Variants in CFAP47 observed in about 807,000 individuals in gnomAD.
CFAP47 encodes the protein cilia- and flagella-associated protein 47.
In CFAP47, 29 loss-of-function variants were observed where a neutral mutation model predicts 148.1. The ratio of observed to expected loss-of-function variants is 0.20; its 90% CI spans 0.15 to 0.27. The LOEUF is 0.27. Ranked by LOEUF, CFAP47 falls within the 10% of genes least tolerant of loss-of-function variation. CFAP47 has a pLI of 1.00. For missense variants in CFAP47, 1,872 were observed against 1,697.5 expected, an observed-to-expected ratio of 1.10 and a Z score of -1.81; for synonymous variants, 664 against 577.3, an observed-to-expected ratio of 1.15 and a Z score of -2.15.
chrX:35,980,484 C>G (rs1210755215), intron 15 of CFAP47, among the ~76,000 whole-genome samples: 1 of 111,704 alleles, frequency 9.0e-6, no homozygotes, highest in Non-Finnish European at 1.9e-5. Context: ...GTTCCGTAAC[C>G]TGACTTTTAC....
At chrX:36,141,273 C>G (rs959842074) in intron 35 of CFAP47, among the ~76,000 whole-genome samples, 2 of 110,508 alleles carry the variant, frequency 1.8e-5, no homozygotes, top group Admixed American at 9.7e-5. Context: ...GGTGCAGCCC[C>G]TAGTCCAAAT....
intron 45 of CFAP47, among the ~76,000 whole-genome samples, chrX:36,213,303 A>G (rs142174195): frequency 5.1e-3 from 565 of 111,007 alleles, no homozygotes; most frequent in African/African-American, 0.018. Context: ...GCTCATTTAT[A>G]ATTGTAGTAT....
intron 62 of CFAP47, among the ~76,000 whole-genome samples, chrX:36,369,715 G>A (rs1556020991): frequency 9.0e-6 from 1 of 111,338 alleles, no homozygotes; most frequent in African/African-American, 3.3e-5. Context: ...TTTGTACATT[G>A]TGATTGGTTT....
At position 36,274,145 on chromosome X, in the gene CFAP47, G is replaced by T. The variant is rs141156999; in HGVS notation, c.7445-6342G>T. 6.7e-3 allele frequency among the ~76,000 whole-genome samples: 748 copies of T among 111,591 alleles called. 5 individuals are homozygous for T. The highest frequency in any genetic ancestry group is 0.018 in the African/African-American group (546 of 30,815). ...AGGGCTTTTAAATTATTTTACAAAT[G>T]AATGCCCAATTTCTATTTGTTAAGG... On this transcript the variant is annotated intron_variant, in intron 49 of 63. Transcript: ENST00000378653.
Position 35,992,194 on chromosome X carries a change from A to G in CFAP47, c.2967+251A>G, listed in dbSNP as rs968152342. On this transcript the variant is annotated intron_variant, in intron 17 of 63. Transcript: ENST00000378653. The stretch of plus-strand genomic sequence containing the variant: ...TTATTTGGTTTTATTGAAAAAATAG[A>G]TGTTTATGTTTTAAAATATACATTA... Among the ~76,000 whole-genome samples, 5 of 110,463 alleles carry G rather than the reference A, an allele frequency of 4.5e-5. No individual in the cohort carries two copies. The Admixed American group carries it at 4.9e-4, about 11-fold the overall frequency.
At chrX:35,993,140 A>G in intron 17 of CFAP47, 50 bp from the exon 18 acceptor site, 4 of 286,511 alleles carry the variant, frequency 1.4e-5, no homozygotes, top group Non-Finnish European at 2.5e-5. Context: ...AAGCTTTGAA[A>G]CTATAATTTT....
chrX:36,311,094 C>T lies in CFAP47; in HGVS notation c.8344+105C>T, dbSNP rs1941390694. 1.7e-5 allele frequency: 8 copies of T among 469,677 alleles called. No individual in the cohort carries two copies. In the South Asian group the frequency reaches 4.6e-4, roughly 27 times the overall value. 38.7% of individuals were successfully genotyped at this position (469,677 alleles called of 1,213,427 possible). A position where few individuals can be genotyped will look rare whatever the true frequency, so the allele number is the denominator to read the frequency against. The stretch of plus-strand genomic sequence containing the variant: ...TAGAACAAATGAATACTTTAGAAAT[C>T]TGTAAAGAAAATTATCTTATAAAAG... On this transcript the variant is annotated intron_variant, in intron 56 of 63. Coordinates refer to ENST00000378653, the MANE Select transcript of CFAP47 (RefSeq NM_001304548.2).
chrX:36,025,919 T>C (rs1300958674), intron 22 of CFAP47, among the ~76,000 whole-genome samples: 1 of 111,976 alleles, frequency 8.9e-6, no homozygotes, highest in Non-Finnish European at 1.9e-5. Context: ...GATAGATCTC[T>C]TTGTTAAATT....
intron 44 of CFAP47, among the ~76,000 whole-genome samples, chrX:36,203,440 C>A (rs1940003938): frequency 9.0e-6 from 1 of 111,533 alleles, no homozygotes; most frequent in African/African-American, 3.3e-5. Flanking sequence ...CCATGACTAG[C>A]CTTTTCATTG....
At chrX:35,927,315 C>A (rs1935758521) in intron 2 of CFAP47, among the ~76,000 whole-genome samples, 4 of 111,570 alleles carry the variant, frequency 3.6e-5, no homozygotes, top group African/African-American at 1.3e-4. Context: ...AAAAAACAAG[C>A]TATTAACCCA....
rs755408499 is a variant in CFAP47 at position 35,971,664 on chromosome X, A to T, written c.2049A>T (p.Glu683Asp). The T allele has an allele frequency of 1.7e-6, 2 of 1,208,161 alleles. No homozygotes were observed. The highest frequency in any genetic ancestry group is 3.5e-5 in the South Asian group (2 of 56,695). ...GSGLKSPSLS[E>D]AEIEEELSSA... ...GTCTAAAGTCACCCTCACTCTCAGAAGCGGAAATAGAAGAGGAGCTGTCTT... is the reference window on the plus strand; with the variant it reads ...GTCTAAAGTCACCCTCACTCTCAGATGCGGAAATAGAAGAGGAGCTGTCTT... The change falls in exon 12 of 64, where the codon GAA becomes GAT. Residue 683 changes from glutamate (E) to aspartate (D), a missense_variant. Transcript: ENST00000378653.
intron 26 of CFAP47, among the ~76,000 whole-genome samples, chrX:36,064,146 A>G (rs1937617074): frequency 1.8e-5 from 2 of 112,619 alleles, no homozygotes; most frequent in Admixed American, 1.9e-4. Context: ...ATCTAAAATT[A>G]TTGGTTAAAT....
At chrX:35,936,277 G>C (rs6632407) in intron 2 of CFAP47, among the ~76,000 whole-genome samples, 20,677 of 110,173 alleles carry the variant, frequency 0.19, 1,592 homozygotes, top group African/African-American at 0.28. Context: ...TTTATCTTCT[G>C]TTATCTCCAT....
intron 19 of CFAP47, among the ~76,000 whole-genome samples, chrX:35,998,607 G>T (rs1391279897): frequency 9.0e-6 from 1 of 111,589 alleles, no homozygotes; most frequent in Non-Finnish European, 1.9e-5. Context: ...CAGGTAGGGG[G>T]CTCACTGCTA....
At chrX:36,186,479 C>G (rs1555985644) in intron 40 of CFAP47, among the ~76,000 whole-genome samples, 1 of 111,852 alleles carries the variant, frequency 8.9e-6, no homozygotes, top group Non-Finnish European at 1.9e-5. Flanking sequence ...ACTTAATGCT[C>G]TCTAGTTTTC....
At position 35,966,635 on chromosome X, in the gene CFAP47, G is replaced by A; in HGVS notation, c.1481G>A (p.Gly494Asp). Reference sequence around the variant, plus strand: ...GTGAAGCAGATGATAGAGATTATTGGTTTAGTGGCAGAAGAAGATTTGCAA... The same window carrying A: ...GTGAAGCAGATGATAGAGATTATTGATTTAGTGGCAGAAGAAGATTTGCAA... ...FKVKQMIEII[G>D]LVAEEDLQSL... Residue 494 changes from glycine (G) to aspartate (D), a missense_variant, in exon 9 of 64, where the codon GGT becomes GAT. Physicochemically the swap from Gly to Asp is moderately conservative, Grantham distance 94. Coordinates refer to ENST00000378653, the MANE Select transcript of CFAP47 (RefSeq NM_001304548.2). The A allele has an allele frequency of 8.5e-7, 1 of 1,178,125 alleles. No individual in the cohort carries two copies. Among genetic ancestry groups the A allele is most frequent in the East Asian group, 3.1e-5 (1 of 32,469 alleles).
intron 33 of CFAP47, among the ~76,000 whole-genome samples, chrX:36,110,897 CT>C (rs1255639041): frequency 9.0e-6 from 1 of 111,389 alleles, no homozygotes; most frequent in Non-Finnish European, 1.9e-5. Context: ...TGATTTGGCT[CT>C]TGCTTGACTG....
intron 51 of CFAP47, among the ~76,000 whole-genome samples, chrX:36,293,347 C>T (rs1379559257): frequency 1.8e-5 from 2 of 111,544 alleles, no homozygotes; most frequent in Admixed American, 1.9e-4. Flanking sequence ...GCAAATAAAC[C>T]CTAAATTTGC....
chrX:35,955,751 G>C (rs1464544224), intron 7 of CFAP47, among the ~76,000 whole-genome samples: 1 of 112,416 alleles, frequency 8.9e-6, no homozygotes, highest in Non-Finnish European at 1.9e-5. Flanking sequence ...AGAATGTAAA[G>C]TCCGTAAGAG....
Sources: gnomAD v4.1 joint callset for allele counts (sites outside exome capture counted in the v4.1 genomes callset) on GRCh38, gnomAD v4.1.1 for gene constraint, MANE v1.5 for transcripts, NCBI Gene and HGNC (gene_info 2026-07-23, HGNC 2026-07-21) for gene names.